The following AFF3 variants were observed in gnomAD, a reference collection of about 807,000 sequenced individuals.
AFF3 encodes the protein AF4/FMR2 family member 3.
In AFF3, 32 loss-of-function variants were observed where a neutral mutation model predicts 129.7. That is an observed-to-expected ratio of 0.25 (90% CI 0.19 to 0.33). AFF3 has a LOEUF of 0.33. AFF3 is among the 10% of genes least tolerant of loss of function. The pLI is 1.00. For missense variants in AFF3, 1,373 were observed against 1,592.0 expected, an observed-to-expected ratio of 0.86 and a Z score of 2.34; for synonymous variants, 644 against 635.4, an observed-to-expected ratio of 1.01 and a Z score of -0.20.
chr2:99,629,088 C>T (rs539532933), intron 13 of AFF3, among the ~76,000 whole-genome samples: 20 of 152,226 alleles, frequency 1.3e-4, no homozygotes, highest in African/African-American at 4.3e-4. Context: ...AAACTCTTGA[C>T]CTCAAGTGAT....
At chr2:100,133,750 G>T (rs1010986652) in intron 1 of AFF3, among the ~76,000 whole-genome samples, 1 of 152,128 alleles carries the variant, frequency 6.6e-6, no homozygotes, top group Non-Finnish European at 1.5e-5. Flanking sequence ...GGCTAACACG[G>T]TGAAAACCTG....
intron 11 of AFF3, among the ~76,000 whole-genome samples, chr2:99,692,907 T>C (rs935232133): frequency 6.6e-6 from 1 of 152,254 alleles, no homozygotes; most frequent in African/African-American, 2.4e-5. Flanking sequence ...CAGGTGGCTC[T>C]GTAGGGCTCT....
chr2:99,798,424 T>C (rs1031344228), intron 8 of AFF3, among the ~76,000 whole-genome samples: 1 of 151,942 alleles, frequency 6.6e-6, no homozygotes, highest in African/African-American at 2.4e-5. Context: ...GTTAGGATTG[T>C]CTATTTTCCA....
chr2:99,548,609 G>A lies in AFF3; in HGVS notation c.*2865C>T, dbSNP rs1254024712. The stretch of plus-strand genomic sequence containing the variant: ...AAAGAAAAAATTAGCCGGGTGTGGT[G>A]GCACGTGCCTATCTTCCCAGCTGCT... On this transcript the variant is annotated 3_prime_UTR_variant, in exon 25 of 25. Coordinates refer to ENST00000672756, the MANE Select transcript of AFF3 (RefSeq NM_001386135.1). The A allele has an allele frequency of 2.0e-5, 4 of 204,562 alleles. No homozygotes were observed. Among genetic ancestry groups the A allele is most frequent in the African/African-American group, 9.2e-5 (4 of 43,700 alleles). The allele number at this position is 204,562 out of a possible 1,614,324, so 12.7% of individuals were successfully genotyped here.
At chr2:99,772,089 C>G (rs959339529) in intron 8 of AFF3, among the ~76,000 whole-genome samples, 4 of 152,142 alleles carry the variant, frequency 2.6e-5, no homozygotes, top group African/African-American at 7.2e-5. Flanking sequence ...CTTTCCCATC[C>G]TCCACCTCAG....
At chr2:99,903,119 T>C (rs965919279) in intron 7 of AFF3, among the ~76,000 whole-genome samples, 13 of 152,154 alleles carry the variant, frequency 8.5e-5, no homozygotes, top group African/African-American at 3.1e-4. Flanking sequence ...ATTATGTAAT[T>C]GTACCATTAC....
intron 7 of AFF3, among the ~76,000 whole-genome samples, chr2:99,896,399 C>T (rs1693946857): frequency 6.6e-6 from 1 of 151,990 alleles, no homozygotes; most frequent in Admixed American, 6.5e-5. Flanking sequence ...GACCCACTCC[C>T]ATGCTGCAGC....
intron 11 of AFF3, among the ~76,000 whole-genome samples, chr2:99,694,464 G>A (rs1675986516): frequency 6.6e-6 from 1 of 152,078 alleles, no homozygotes; most frequent in South Asian, 2.1e-4. Context: ...AGGTCACCCA[G>A]GCGCCAGGGA....
At chr2:99,950,141 A>G (rs149758840) in intron 7 of AFF3, among the ~76,000 whole-genome samples, 22 of 152,336 alleles carry the variant, frequency 1.4e-4, no homozygotes, top group Middle Eastern at 3.4e-3. Context: ...AAGTGACTTT[A>G]GCTAAATCTT....
intron 8 of AFF3, among the ~76,000 whole-genome samples, chr2:99,758,603 A>C (rs1682317414): frequency 6.7e-6 from 1 of 148,926 alleles, no homozygotes; most frequent in African/African-American, 2.5e-5. Flanking sequence ...AAAAAAAAAA[A>C]GCTTCATATG....
At chr2:99,999,421 A>G (rs1576513503) in intron 7 of AFF3, among the ~76,000 whole-genome samples, 1 of 152,218 alleles carries the variant, frequency 6.6e-6, no homozygotes, top group East Asian at 1.9e-4. Context: ...ATAAGTATCT[A>G]TTGAGCACAA....
intron 4 of AFF3, among the ~76,000 whole-genome samples, chr2:100,028,806 C>T (rs940525474): frequency 6.6e-6 from 1 of 152,178 alleles, no homozygotes; most frequent in Non-Finnish European, 1.5e-5. Flanking sequence ...CCCTTGAGCA[C>T]TGCTGATGGA....
chr2:99,636,059 G>A (rs891854893), intron 13 of AFF3, among the ~76,000 whole-genome samples: 2 of 152,220 alleles, frequency 1.3e-5, no homozygotes, highest in Admixed American at 6.5e-5. Context: ...CTGGGGCCAT[G>A]ATTCAAAGAG....
intron 7 of AFF3, among the ~76,000 whole-genome samples, chr2:99,954,753 T>C (rs901665996): frequency 2.1e-5 from 2 of 96,804 alleles, no homozygotes; most frequent in African/African-American, 8.4e-5. Context: ...CATCACACTC[T>C]GGGGACTGTT....
intron 10 of AFF3, among the ~76,000 whole-genome samples, chr2:99,736,321 A>G (rs1680252806): frequency 1.3e-5 from 2 of 152,204 alleles, no homozygotes; most frequent in African/African-American, 2.4e-5. Flanking sequence ...TATTTTGTCC[A>G]TATGGTAAGT....
chr2:99,710,491 A>C (rs1677795924), intron 11 of AFF3, among the ~76,000 whole-genome samples: 1 of 152,128 alleles, frequency 6.6e-6, no homozygotes, highest in Non-Finnish European at 1.5e-5. Flanking sequence ...TCCTGACCTC[A>C]AGTGATCAGC....
chr2:99,948,844 C>T (rs1264411087), intron 7 of AFF3, among the ~76,000 whole-genome samples: 1 of 152,202 alleles, frequency 6.6e-6, no homozygotes, highest in South Asian at 2.1e-4. Flanking sequence ...AAGATCCAAT[C>T]TTCCCAATTA....
intron 2 of AFF3, among the ~76,000 whole-genome samples, chr2:100,118,834 CAG>C (rs1359239385): frequency 6.8e-6 from 1 of 146,572 alleles, no homozygotes; most frequent in Non-Finnish European, 1.5e-5. Context: ...TTTTTTGAGA[CAG>C]AGTCTCGCTC....
intron 8 of AFF3, among the ~76,000 whole-genome samples, chr2:99,830,503 G>A (rs1688438772): frequency 6.6e-6 from 1 of 152,192 alleles, no homozygotes; most frequent in Non-Finnish European, 1.5e-5. Flanking sequence ...TGTAATCCCA[G>A]CACTTTGGGA....
Sources: gnomAD v4.1 joint callset for allele counts (sites outside exome capture counted in the v4.1 genomes callset) on GRCh38, gnomAD v4.1.1 for gene constraint, MANE v1.5 for transcripts, NCBI Gene and HGNC (gene_info 2026-07-23, HGNC 2026-07-21) for gene names.